The following NAALADL2 variants were observed in gnomAD, a reference collection of about 807,000 sequenced individuals.
NAALADL2 encodes the protein inactive N-acetylated-alpha-linked acidic dipeptidase-like protein 2.
Under a neutral mutation model 87.2 loss-of-function variants are expected in NAALADL2, and 76 were observed. That is an observed-to-expected ratio of 0.87 (90% confidence interval 0.72 to 1.05). The LOEUF (loss-of-function observed/expected upper bound fraction) is 1.05, where lower values mean the gene tolerates loss of function less well. NAALADL2 is among the 50% of genes least tolerant of loss of function. The pLI is 0.00. For synonymous variants in NAALADL2, 354 were observed against 331.0 expected, an observed-to-expected ratio of 1.07 and a Z score of -0.75; for missense variants, 1,089 against 945.8, an observed-to-expected ratio of 1.15 and a Z score of -1.99.
intron 1 of NAALADL2, among the ~76,000 whole-genome samples, chr3:174,497,769 A>T (rs1188845397): frequency 6.6e-6 from 1 of 152,182 alleles, no homozygotes; most frequent in African/African-American, 2.4e-5. Context: ...ATTTATTGTT[A>T]ATTGCTTGTG....
At chr3:175,712,720 C>T (rs1265535007) in intron 11 of NAALADL2, among the ~76,000 whole-genome samples, 1 of 152,044 alleles carries the variant, frequency 6.6e-6, no homozygotes, top group Non-Finnish European at 1.5e-5. Context: ...ATGAATCCAT[C>T]AAGACCTTGA....
intron 2 of NAALADL2, among the ~76,000 whole-genome samples, chr3:175,122,381 G>A (rs769515855): frequency 1.3e-5 from 2 of 151,810 alleles, no homozygotes; most frequent in Non-Finnish European, 1.5e-5. Flanking sequence ...CCTTGAACTT[G>A]TTTTTCTTTT....
intron 1 of NAALADL2, among the ~76,000 whole-genome samples, chr3:174,912,477 T>C (rs1374841140): frequency 6.6e-6 from 1 of 152,158 alleles, no homozygotes; most frequent in African/African-American, 2.4e-5. Flanking sequence ...AATAGCTAAA[T>C]GTTTCATTGG....
rs1056149874 is a variant in NAALADL2 at position 175,310,261 on chromosome 3, T to G, written c.940-13914T>G. Among the ~76,000 whole-genome samples, 6 of 152,276 alleles carry G rather than the reference T, an allele frequency of 3.9e-5. No homozygotes were observed. In the East Asian group the frequency reaches 7.7e-4, roughly 20 times the overall value. On this transcript the variant is annotated intron_variant, in intron 4 of 13. Transcript: ENST00000454872. The stretch of plus-strand genomic sequence containing the variant: ...AAATGACTTTATTGTTTTCTTTATC[T>G]TCATAGGATGATTCATAATGCTATA...
intron 10 of NAALADL2, among the ~76,000 whole-genome samples, chr3:175,618,066 T>G (rs539000573): frequency 6.6e-6 from 1 of 152,292 alleles, no homozygotes; most frequent in South Asian, 2.1e-4. Flanking sequence ...CTCTGCTGCT[T>G]GCAGGGCAAC....
At chr3:174,572,409 T>C (rs1349505011) in intron 2 of NAALADL2, among the ~76,000 whole-genome samples, 3 of 152,212 alleles carry the variant, frequency 2.0e-5, no homozygotes, top group African/African-American at 7.2e-5. Context: ...GTAAAATGTA[T>C]TTGCCAAAAT....
chr3:175,440,399 T>C (rs1177992829), intron 5 of NAALADL2, among the ~76,000 whole-genome samples: 1 of 151,956 alleles, frequency 6.6e-6, no homozygotes, highest in Non-Finnish European at 1.5e-5. Context: ...ATTTTAGAAT[T>C]TTTTTTTCTA....
At chr3:175,314,430 C>A (rs1758771263) in intron 4 of NAALADL2, among the ~76,000 whole-genome samples, 1 of 150,466 alleles carries the variant, frequency 6.6e-6, no homozygotes, top group Non-Finnish European at 1.5e-5. Context: ...AAACAAAAAT[C>A]AAAATAAAAT....
At chr3:175,584,469 C>A (rs1162392191) in intron 10 of NAALADL2, among the ~76,000 whole-genome samples, 3 of 152,206 alleles carry the variant, frequency 2.0e-5, no homozygotes, top group African/African-American at 4.8e-5. Context: ...TTTCTGGACT[C>A]TTTTCTCTAC....
Position 174,619,236 on chromosome 3 carries a change from G to A in NAALADL2, c.-115+68599G>A, listed in dbSNP as rs548207435. Among the ~76,000 whole-genome samples, 7 of 151,998 alleles carry A rather than the reference G, an allele frequency of 4.6e-5. No homozygotes were observed. In the South Asian group the frequency reaches 1.4e-3, roughly 31 times the overall value. On this transcript the variant is annotated intron_variant, in intron 2 of 3. Transcript: ENST00000434257. The stretch of plus-strand genomic sequence containing the variant: ...TAAAAATCTATTTTCCCTTTAAATG[G>A]TCTGAGCAGGGTTTTCATTTATACA...
chr3:175,389,417 T>TAAG (rs1768810920), intron 5 of NAALADL2, among the ~76,000 whole-genome samples: 3 of 152,214 alleles, frequency 2.0e-5, no homozygotes, highest in African/African-American at 7.2e-5. Context: ...CTTTATAAGT[T>TAAG]AAGTGTTAAA....
At chr3:175,369,526 T>C (rs1187127278) in intron 5 of NAALADL2, 4 of 152,278 alleles carry the variant, frequency 2.6e-5, no homozygotes, top group African/African-American at 7.2e-5. Flanking sequence ...CGTGTGTGTG[T>C]ATGTGTATAT....
chr3:174,620,059 A>T (rs1720846241), intron 2 of NAALADL2, among the ~76,000 whole-genome samples: 1 of 151,968 alleles, frequency 6.6e-6, no homozygotes. Flanking sequence ...CTGTGTCAAC[A>T]CTTTATATTA....
At chr3:174,606,482 G>A (rs1032928513) in intron 2 of NAALADL2, among the ~76,000 whole-genome samples, 3 of 152,072 alleles carry the variant, frequency 2.0e-5, no homozygotes, top group Admixed American at 1.3e-4. Flanking sequence ...TAAAGGAGGT[G>A]ATGGAGCTGA....
chr3:174,557,955 A>G (rs1486885398), intron 2 of NAALADL2, among the ~76,000 whole-genome samples: 1 of 152,300 alleles, frequency 6.6e-6, no homozygotes, highest in East Asian at 1.9e-4. Flanking sequence ...TTAACCAGTG[A>G]AACTTCTTAG....
At chr3:175,766,031 A>T (rs540509671) in intron 13 of NAALADL2, among the ~76,000 whole-genome samples, 147 of 152,256 alleles carry the variant, frequency 9.7e-4, no homozygotes, top group African/African-American at 3.1e-3. Context: ...CAATAAATTT[A>T]ATGAGATTAT....
At chr3:175,164,026 C>T (rs913327558) in intron 2 of NAALADL2, among the ~76,000 whole-genome samples, 2 of 152,094 alleles carry the variant, frequency 1.3e-5, no homozygotes, top group African/African-American at 4.8e-5. Flanking sequence ...GATTTGCACG[C>T]TTATGTAGGA....
chr3:174,698,539 T>C (rs1336947842), intron 2 of NAALADL2, among the ~76,000 whole-genome samples: 1 of 152,164 alleles, frequency 6.6e-6, no homozygotes, highest in African/African-American at 2.4e-5. Context: ...ATTCTCTAGT[T>C]TCCTTGTTTT....
At chr3:175,718,209 T>G (rs1741651365) in intron 11 of NAALADL2, 19 of 722,552 alleles carry the variant, frequency 2.6e-5, no homozygotes, top group Admixed American at 3.4e-5. Flanking sequence ...TTTTTTTTTT[T>G]TTTTTTTTTT....
Sources: allele counts gnomAD v4.1 joint callset (sites outside exome capture counted in the v4.1 genomes callset), GRCh38; gene constraint gnomAD v4.1.1; transcripts MANE v1.5; gene names NCBI Gene and HGNC (gene_info 2026-07-23, HGNC 2026-07-21).